CNOT1: variants seen among roughly 807,000 people sequenced by gnomAD.
The protein encoded by CNOT1 is CCR4-NOT transcription complex subunit 1, also known as CCR4-associated factor 1.
Under a neutral mutation model 273.8 loss-of-function variants are expected in CNOT1, and 15 were observed. The ratio of observed to expected loss-of-function variants is 0.05; its 90% CI spans 0.04 to 0.08. The LOEUF is 0.08. Ranked by LOEUF, CNOT1 falls within the 10% of genes least tolerant of loss-of-function variation. The pLI is 1.00. For synonymous variants in CNOT1, 1,022 were observed against 1,005.5 expected, an observed-to-expected ratio of 1.02 and a Z score of -0.31; for missense variants, 1,644 against 2,912.2, an observed-to-expected ratio of 0.56 and a Z score of 10.02.
At chr16:58,534,578 C>G (rs985934557) in intron 39 of CNOT1, among the ~76,000 whole-genome samples, 183 bp from the exon 40 acceptor site, 1 of 152,096 alleles carries the variant, frequency 6.6e-6, no homozygotes, top group Non-Finnish European at 1.5e-5. Context: ...GACAGAATTC[C>G]TCCAGTTTTA....
At chr16:58,608,553 C>CAAAAAAAAA (rs11397997) in intron 1 of CNOT1, among the ~76,000 whole-genome samples, 1 of 129,814 alleles carries the variant, frequency 7.7e-6, no homozygotes, top group African/African-American at 2.8e-5. Flanking sequence ...GACTCTGTCT[C>CAAAAAAAAA]AAAAAAAAAA....
chr16:58,547,310 A>T lies in CNOT1; in HGVS notation c.3640-14T>A. 1 of 1,611,664 alleles carries T rather than the reference A, an allele frequency of 6.2e-7. No individual in the cohort carries two copies. Among genetic ancestry groups the T allele is most frequent in the East Asian group, 2.2e-5 (1 of 44,854 alleles). On this transcript the variant is annotated splice_polypyrimidine_tract_variant and intron_variant, in intron 26 of 48. Coordinates refer to ENST00000317147, the MANE Select transcript of CNOT1 (RefSeq NM_016284.5). This position sits in a 1 kb window ranked among gnomAD's most constrained non-coding sequence, Gnocchi z 4.0. ...CACATCCAAGTCCTAGAATAAGAAA[A>T]ATACTTTCAAAAGCGGGGAATATAC...
chr16:58,546,646 C>T (rs1239421956), intron 28 of CNOT1, 26 bp downstream of exon 28: 1 of 1,613,734 alleles, frequency 6.2e-7, no homozygotes, highest in East Asian at 2.2e-5. Context: ...AAGAATGTTC[C>T]AGAGGACAAG....
intron 8 of CNOT1, among the ~76,000 whole-genome samples, chr16:58,584,766 CA>C (rs1236666516): frequency 6.6e-6 from 1 of 152,176 alleles, no homozygotes; most frequent in East Asian, 1.9e-4. Flanking sequence ...GTTTTTAAAA[CA>C]TAAGGATTTT....
At chr16:58,567,310 T>C (rs2041080656) in intron 16 of CNOT1, among the ~76,000 whole-genome samples, 2 of 151,990 alleles carry the variant, frequency 1.3e-5, no homozygotes, top group Non-Finnish European at 2.9e-5. Flanking sequence ...AGAGTGAGAC[T>C]ATTTAAACAA....
chr16:58,564,481 T>C (rs1379633378), intron 16 of CNOT1, among the ~76,000 whole-genome samples: 1 of 152,172 alleles, frequency 6.6e-6, no homozygotes, highest in Admixed American at 6.5e-5. Flanking sequence ...TAATATTTTA[T>C]GTCCTATGCA....
At chr16:58,555,567 C>A in intron 20 of CNOT1, 30 bp from the exon 21 acceptor site, 1 of 1,595,612 alleles carries the variant, frequency 6.3e-7, no homozygotes, top group Non-Finnish European at 8.5e-7. Flanking sequence ...ACAACGCACA[C>A]ATAAAGGAAA....
At position 58,558,466 on chromosome 16, in the gene CNOT1, C is replaced by A. The variant is rs774828009; in HGVS notation, c.2332+7G>T. On this transcript the variant is annotated splice_region_variant and intron_variant, in intron 18 of 48. Coordinates refer to ENST00000317147, the MANE Select transcript of CNOT1 (RefSeq NM_016284.5). ...ATAATCCATGCTCTCATTTGCCTCC[C>A]CCTTACCTGGAAGCTGTGATGAAAG... 1 of 1,613,762 alleles carries A rather than the reference C, an allele frequency of 6.2e-7. No homozygotes were observed. The highest frequency in any genetic ancestry group is 1.1e-5 in the South Asian group (1 of 90,994).
chr16:58,546,762 T>C lies in CNOT1; in HGVS notation c.3751-13A>G. The C allele has an allele frequency of 6.2e-7, 1 of 1,613,796 alleles. No homozygotes were observed. The highest frequency in any genetic ancestry group is 8.5e-7 in the Non-Finnish European group (1 of 1,179,856). On this transcript the variant is annotated splice_polypyrimidine_tract_variant and intron_variant, in intron 27 of 48. Coordinates refer to ENST00000317147, the MANE Select transcript of CNOT1 (RefSeq NM_016284.5). ...GTGGCCTAAAAACCTAAAGAAAAGC[T>C]ATTATGTTAAGCTGGCCCAAAATGT...
intron 19 of CNOT1, among the ~76,000 whole-genome samples, chr16:58,556,411 A>C (rs1473555572): frequency 1.3e-5 from 2 of 152,252 alleles, no homozygotes; most frequent in Non-Finnish European, 2.9e-5. Flanking sequence ...GACTTCAGTC[A>C]ATTATACCTA....
intron 1 of CNOT1, among the ~76,000 whole-genome samples, chr16:58,605,635 TA>T (rs1211669045): frequency 6.6e-6 from 1 of 152,134 alleles, no homozygotes; most frequent in East Asian, 1.9e-4. Flanking sequence ...AATCATACAA[TA>T]AAAATGCTAA....
chr16:58,525,044 G>C (rs557878684), intron 46 of CNOT1, 135 bp downstream of exon 46: 124 of 784,212 alleles, frequency 1.6e-4, no homozygotes, highest in South Asian at 1.6e-3. Context: ...AAAATAATCA[G>C]CTAGACCTGT....
intron 39 of CNOT1, among the ~76,000 whole-genome samples, chr16:58,535,647 A>C (rs1003233351): frequency 1.4e-4 from 21 of 152,206 alleles, no homozygotes; most frequent in African/African-American, 4.8e-4. Flanking sequence ...TATGCTTTGT[A>C]ATTCCCTGGA....
At chr16:58,601,497 C>T (rs1002822092) in intron 1 of CNOT1, among the ~76,000 whole-genome samples, 8 of 152,152 alleles carry the variant, frequency 5.3e-5, no homozygotes, top group Admixed American at 3.3e-4. Context: ...TTCTGAAGTC[C>T]GCTTGTAATT....
intron 16 of CNOT1, among the ~76,000 whole-genome samples, chr16:58,561,648 G>A (rs1291956652): frequency 6.6e-6 from 1 of 152,046 alleles, no homozygotes; most frequent in Non-Finnish European, 1.5e-5. Flanking sequence ...AATACCAAAC[G>A]CTACAAAATC....
chr16:58,537,281 C>A, intron 38 of CNOT1, 61 bp from the exon 39 acceptor site: 2 of 1,528,536 alleles, frequency 1.3e-6, no homozygotes, highest in Non-Finnish European at 1.8e-6. Flanking sequence ...TACAGACATA[C>A]GCATGTATAG....
intron 44 of CNOT1, among the ~76,000 whole-genome samples, chr16:58,526,549 C>A (rs1020344797): frequency 6.9e-6 from 1 of 145,862 alleles, no homozygotes; most frequent in African/African-American, 2.6e-5. Context: ...TGAAGCCGGG[C>A]GCAGTGGCTC....
intron 1 of CNOT1, among the ~76,000 whole-genome samples, chr16:58,602,577 A>AAAAAC: frequency 6.9e-6 from 1 of 144,680 alleles, no homozygotes; most frequent in Non-Finnish European, 1.5e-5. Flanking sequence ...AAAAAAAAAA[A>AAAAAC]CCCATCCATA....
chr16:58,537,081 C>T lies in CNOT1; in HGVS notation c.5554G>A (p.Ala1852Thr). 3 of 1,614,188 alleles carry T rather than the reference C, an allele frequency of 1.9e-6. No individual in the cohort carries two copies. The highest frequency in any genetic ancestry group is 2.5e-6 in the Non-Finnish European group (3 of 1,180,036). Residue 1852 changes from alanine to threonine, a missense_variant, in exon 39 of 49, where the codon GCA becomes ACA. Transcript: ENST00000317147. The part of the protein sequence containing the change: ...YDDPPGLREK[A>T]EYLLREWVNL... ...ACCCATTCCCTCAGAAGATACTCTG[C>T]CTTCTCCCTCAGGCCTGGAGGGTCA...
Sources: gnomAD v4.1 joint callset for allele counts (sites outside exome capture counted in the v4.1 genomes callset) on GRCh38, gnomAD v4.1.1 for gene constraint, Gnocchi (gnomAD v3.1) non-coding constraint, MANE v1.5 for transcripts, NCBI Gene and HGNC (gene_info 2026-07-23, HGNC 2026-07-21) for gene names.